The following SPINK2 variants were observed in gnomAD, a reference collection of about 807,000 sequenced individuals.
SPINK2 encodes serine protease inhibitor Kazal-type 2.
Under a neutral mutation model 13.5 loss-of-function variants are expected in SPINK2, and 8 were observed. The ratio of observed to expected loss-of-function variants is 0.59; its 90% CI spans 0.35 to 1.07. The LOEUF is 1.07. Among genes scored for constraint, SPINK2 ranks in the 50% least tolerant of loss-of-function variants. The pLI is 0.02. For missense variants in SPINK2, 148 were observed against 180.3 expected (o/e 0.82, Z 1.03); for synonymous variants, 76 against 74.7 (o/e 1.02, Z -0.09).
chr4:56,810,253 T>A, intron 3 of SPINK2, 69 bp from the exon 4 acceptor site: 1 of 1,310,238 alleles, frequency 7.6e-7, no homozygotes, highest in Non-Finnish European at 1.1e-6. Context: ...TTATTTGTGT[T>A]AAAAAGACCC....
rs1282747890 is a variant in SPINK2 at position 56,816,677 on chromosome 4, TTATATCTA to T, written c.249+3851_249+3858del. Reference sequence around the variant, plus strand: ...AAAATAAATAAATAAAATATATATTTTATATCTATATATCTATATATAGATATATATAC... The same window carrying T: ...AAAATAAATAAATAAAATATATATTTTATATCTATATATAGATATATATAC... On this transcript the variant is annotated intron_variant, in intron 2 of 3. Transcript: ENST00000506738. 2.7e-5 allele frequency: 4 copies of T among 146,276 alleles called. No homozygotes were observed. The South Asian group carries it at 6.4e-4, about 23-fold the overall frequency. 9.1% of individuals were successfully genotyped at this position (146,276 alleles called of 1,614,324 possible).
rs573296627 is a variant in SPINK2 at position 56,815,787 on chromosome 4, CACACACACACAA to C, written c.250-4005_250-3994del. Among the ~76,000 whole-genome samples the C allele has an allele frequency of 2.2e-4, 32 of 145,820 alleles. 1 individual carries two copies. The South Asian group carries it at 8.2e-3, about 37-fold the overall frequency. On this transcript the variant is annotated intron_variant, in intron 2 of 3. Coordinates refer to ENST00000506738, the MANE Select transcript of SPINK2 (RefSeq NM_001271718.2). ...TCACACACACACACACACACACACACACACACACACAAAACTATTATTACTAATAAACAAGGC... is the reference window on the plus strand; with the variant it reads ...TCACACACACACACACACACACACACAACTATTATTACTAATAAACAAGGC...
At chr4:56,816,150 TACAAG>T (rs1717430994) in intron 2 of SPINK2, among the ~76,000 whole-genome samples, 1 of 152,208 alleles carries the variant, frequency 6.6e-6, no homozygotes, top group African/African-American at 2.4e-5. Flanking sequence ...GGTTGAAAGA[TACAAG>T]ATCAATATAT....
intron 2 of SPINK2, among the ~76,000 whole-genome samples, chr4:56,820,193 C>T (rs1717819063): frequency 6.6e-6 from 1 of 152,192 alleles, no homozygotes; most frequent in Admixed American, 6.5e-5. Flanking sequence ...CTTGCTATAA[C>T]AAGCCCTGAA....
chr4:56,812,976 A>G (rs10015630), intron 2 of SPINK2, among the ~76,000 whole-genome samples: 110,761 of 152,140 alleles, frequency 0.73, 41,312 homozygotes, highest in East Asian at 0.97. Context: ...CTTCCTCTCC[A>G]CTCTCTGGAA....
intron 3 of SPINK2, among the ~76,000 whole-genome samples, chr4:56,810,862 T>A (rs1350766623): frequency 6.7e-6 from 1 of 150,108 alleles, no homozygotes; most frequent in Non-Finnish European, 1.5e-5. Context: ...TAAGGTCAAA[T>A]AATGAATCCC....
Position 56,811,703 on chromosome 4 carries a change from G to A in SPINK2, c.341C>T (p.Thr114Ile), listed in dbSNP as rs368929102. Residue 114 changes from threonine to isoleucine, a missense_variant, in exon 3 of 4, where the codon ACT becomes ATT. Physicochemically the swap from Thr to Ile is moderately conservative, Grantham distance 89. Transcript: ENST00000506738. The stretch of plus-strand genomic sequence containing the variant: ...ATGTTACCTGATTTTCATGCACAGA[G>A]TACATTCATTGGCATAAGTGGACAT... ...SDMSTYANEC[T>I]LCMKIREGGH... The A allele has an allele frequency of 3.1e-6, 5 of 1,608,118 alleles. No individual in the cohort carries two copies. Among genetic ancestry groups the A allele is most frequent in the South Asian group, 2.2e-5 (2 of 90,892 alleles).
intron 1 of SPINK2, 170 bp downstream of exon 1, chr4:56,821,288 T>C (rs1481068617): frequency 5.1e-6 from 5 of 984,934 alleles, no homozygotes; most frequent in Non-Finnish European, 6.0e-6. Flanking sequence ...CTTGGGACCA[T>C]ACATAAAAAC....
At chr4:56,814,698 A>C (rs1324988422) in intron 2 of SPINK2, among the ~76,000 whole-genome samples, 1 of 152,016 alleles carries the variant, frequency 6.6e-6, no homozygotes, top group African/African-American at 2.4e-5. Flanking sequence ...GCGGTGGCTC[A>C]TGCCTGTAAT....
intron 3 of SPINK2, chr4:56,810,437 T>G: frequency 2.2e-6 from 1 of 446,360 alleles, no homozygotes. Context: ...GCATGGTGGC[T>G]CATGCCTGTA....
chr4:56,814,980 A>AC lies in SPINK2; in HGVS notation c.250-3187_250-3186insG, dbSNP rs1553894672. 4.4e-4 allele frequency among the ~76,000 whole-genome samples: 61 copies of AC among 137,988 alleles called. 2 individuals carry two copies. The highest frequency in any genetic ancestry group is 2.5e-3 in the East Asian group (11 of 4,438). The allele number at this position is 137,988 out of a possible 152,430, so 90.5% of individuals were successfully genotyped here. On this transcript the variant is annotated intron_variant, in intron 2 of 3. Transcript: ENST00000506738. ...CGTCTCAAAAAAAAAAAAAAAAAAA[A>AC]AAACAAAGGCTGAGGCAGGAGAATC... is the stretch of plus-strand genomic sequence containing the variant.
chr4:56,812,173 C>T (rs1717042071), intron 2 of SPINK2, among the ~76,000 whole-genome samples: 1 of 150,766 alleles, frequency 6.6e-6, no homozygotes, highest in Non-Finnish European at 1.5e-5. Flanking sequence ...GGATTACAGG[C>T]GTGAGCCACT....
Position 56,821,479 on chromosome 4 carries a change from C to G in SPINK2, c.184G>C (p.Gly62Arg). The change falls in exon 1 of 4, where the codon GGT becomes CGT. Residue 62 changes from glycine (G) to arginine (R), a missense_variant. Transcript: ENST00000506738. ...GDGTRAPVTG[G>R]SPEDLPASLI... is the part of the protein sequence containing the mutation. ...CCACCTGGCAGGTCCTCTGGGGAAC[C>G]GCCAGTAACGGGCGCGCGGGTACCG... 6.5e-7 allele frequency: 1 copy of G among 1,531,212 alleles called. No individual in the cohort carries two copies. The highest frequency in any genetic ancestry group is 2.0e-5 in the Admixed American group (1 of 50,028). The allele number at this position is 1,531,212 out of a possible 1,614,324, so 94.9% of individuals were successfully genotyped here.
intron 3 of SPINK2, 196 bp from the exon 4 acceptor site, chr4:56,810,380 C>T (rs1347638843): frequency 6.9e-6 from 4 of 578,424 alleles, no homozygotes; most frequent in South Asian, 2.2e-5. Flanking sequence ...TTTTCCCTAA[C>T]GCTAGGGCAC....
intron 2 of SPINK2, among the ~76,000 whole-genome samples, chr4:56,819,280 G>A (rs938303849): frequency 6.6e-6 from 1 of 151,332 alleles, no homozygotes; most frequent in Admixed American, 6.6e-5. Flanking sequence ...AAGGCTTCCT[G>A]GAAGAAGCCT....
intron 2 of SPINK2, among the ~76,000 whole-genome samples, chr4:56,819,380 T>G (rs1177457519): frequency 6.6e-6 from 1 of 152,172 alleles, no homozygotes; most frequent in African/African-American, 2.4e-5. Flanking sequence ...TTGTGAGAAT[T>G]GAGAGACCAA....
intron 2 of SPINK2, among the ~76,000 whole-genome samples, chr4:56,817,573 G>A (rs181302964): frequency 1.6e-4 from 24 of 152,236 alleles, no homozygotes; most frequent in African/African-American, 5.5e-4. Context: ...TAATCAGGCC[G>A]GGTGCGGTGG....
intron 2 of SPINK2, among the ~76,000 whole-genome samples, chr4:56,812,671 G>A (rs1187520576): frequency 6.7e-6 from 1 of 148,858 alleles, no homozygotes; most frequent in Non-Finnish European, 1.5e-5. Flanking sequence ...TTATTATCTA[G>A]CTTCATAATT....
chr4:56,811,932 T>C, intron 2 of SPINK2, 138 bp from the exon 3 acceptor site: 1 of 329,194 alleles, frequency 3.0e-6, no homozygotes, highest in South Asian at 5.5e-5. Flanking sequence ...CCAGAAAAAT[T>C]TTTTCTTTTT....
Sources: allele counts gnomAD v4.1 joint callset (sites outside exome capture counted in the v4.1 genomes callset), GRCh38; gene constraint gnomAD v4.1.1; transcripts MANE v1.5; gene names NCBI Gene and HGNC (gene_info 2026-07-23, HGNC 2026-07-21).